CCDC138: variants seen among roughly 807,000 people sequenced by gnomAD.
The protein encoded by CCDC138 is coiled-coil domain-containing protein 138.
CCDC138 carries 66 observed loss-of-function variants against 82.3 expected under a neutral mutation model. The ratio of observed to expected loss-of-function variants is 0.80; its 90% CI spans 0.66 to 0.98. The LOEUF (loss-of-function observed/expected upper bound fraction) is 0.98. CCDC138 is among the 50% of genes least tolerant of loss of function. CCDC138 has a pLI of 0.00. For missense variants in CCDC138, 816 were observed against 758.9 expected (o/e 1.08, Z -0.88); for synonymous variants, 297 against 265.4 (o/e 1.12, Z -1.16).
At chr2:108,867,506 G>A (rs1374376161) in intron 13 of CCDC138, among the ~76,000 whole-genome samples, 1 of 152,160 alleles carries the variant, frequency 6.6e-6, no homozygotes, top group Non-Finnish European at 1.5e-5. Context: ...CTCCAAGAGT[G>A]TCTTTGTCCT....
intron 10 of CCDC138, among the ~76,000 whole-genome samples, chr2:108,818,208 AGGT>A (rs1283709169): frequency 5.3e-5 from 8 of 152,090 alleles, no homozygotes; most frequent in Admixed American, 2.6e-4. Context: ...TGGGAGGCTG[AGGT>A]GGTAGGATCA....
At chr2:108,833,894 ATTT>A (rs749488565) in intron 10 of CCDC138, among the ~76,000 whole-genome samples, 2 of 79,242 alleles carry the variant, frequency 2.5e-5, no homozygotes, top group African/African-American at 1.0e-4. Context: ...CGCCCGGCTA[ATTT>A]TTTTTTTTTT....
At chr2:108,842,909 G>A (rs1276775098) in intron 11 of CCDC138, among the ~76,000 whole-genome samples, 1 of 152,138 alleles carries the variant, frequency 6.6e-6, no homozygotes, top group African/African-American at 2.4e-5. Context: ...AAGCACAGAA[G>A]CTTTACTTCC....
chr2:108,814,118 T>C (rs1351820144), intron 9 of CCDC138, among the ~76,000 whole-genome samples: 1 of 152,222 alleles, frequency 6.6e-6, no homozygotes, highest in Non-Finnish European at 1.5e-5. Context: ...GACTACAATT[T>C]CTGGGTCATA....
chr2:108,853,945 A>T (rs952389866), intron 12 of CCDC138, among the ~76,000 whole-genome samples: 51 of 122,788 alleles, frequency 4.2e-4, no homozygotes, highest in Middle Eastern at 3.6e-3. Flanking sequence ...TATATATAAT[A>T]TACAATAAAT....
chr2:108,846,689 A>G (rs1166396430), intron 11 of CCDC138, 49 bp from the exon 12 acceptor site: 4 of 1,498,814 alleles, frequency 2.7e-6, no homozygotes, highest in Non-Finnish European at 3.6e-6. Context: ...AAAAAAAGAT[A>G]TATTCTGAAC....
At position 108,849,143 on chromosome 2, in the gene CCDC138, T is replaced by C. The variant is rs1332288208; in HGVS notation, c.1516+2213T>C. 2.0e-5 allele frequency among the ~76,000 whole-genome samples: 3 copies of C among 152,058 alleles called. No homozygotes were observed. In the East Asian group the frequency reaches 5.8e-4, roughly 29 times the overall value. ...CAGACAAACGACTAGTGAACTGGGATACATAGCAATAGAAACTGTCCAAAA... is the reference window on the plus strand; with the variant it reads ...CAGACAAACGACTAGTGAACTGGGACACATAGCAATAGAAACTGTCCAAAA... On this transcript the variant is annotated intron_variant, in intron 12 of 14. Coordinates refer to ENST00000295124, the MANE Select transcript of CCDC138 (RefSeq NM_144978.3).
chr2:108,849,190 AT>A (rs1002540878), intron 12 of CCDC138, among the ~76,000 whole-genome samples: 6 of 152,322 alleles, frequency 3.9e-5, no homozygotes, highest in African/African-American at 1.2e-4. Flanking sequence ...GAGAAAAAAA[AT>A]CTACAAAAAA....
intron 3 of CCDC138, 195 bp from the exon 4 acceptor site, chr2:108,791,480 G>GCTT (rs1679895594): frequency 1.7e-6 from 1 of 604,760 alleles, no homozygotes; most frequent in South Asian, 1.6e-5. Context: ...AGAAAAAGAT[G>GCTT]CTTGTAGTGG....
At chr2:108,802,582 C>T (rs1682119602) in intron 6 of CCDC138, among the ~76,000 whole-genome samples, 1 of 143,388 alleles carries the variant, frequency 7.0e-6, no homozygotes, top group Non-Finnish European at 1.5e-5. Context: ...CAAACAGGGA[C>T]AATTTGACTT....
chr2:108,815,860 T>C, intron 9 of CCDC138, 81 bp from the exon 10 acceptor site: 2 of 1,147,432 alleles, frequency 1.7e-6, no homozygotes, highest in Non-Finnish European at 2.5e-6. Context: ...ATTATTCTTA[T>C]TACTTAACAA....
At chr2:108,871,118 T>A (rs1042727195) in intron 13 of CCDC138, among the ~76,000 whole-genome samples, 1 of 152,014 alleles carries the variant, frequency 6.6e-6, no homozygotes, top group Admixed American at 6.6e-5. Flanking sequence ...CATGAAAAGA[T>A]GGATGAATGG....
Position 108,786,894 on chromosome 2 carries a change from C to G in CCDC138, c.72C>G (p.Leu24=). 2 of 1,552,432 alleles carry G rather than the reference C, an allele frequency of 1.3e-6. No individual in the cohort carries two copies. Among genetic ancestry groups the G allele is most frequent in the Non-Finnish European group, 1.7e-6 (2 of 1,151,894 alleles). Residue 24 remains leucine (L), a synonymous_variant, in exon 1 of 15, where the codon CTC becomes CTG. Coordinates refer to ENST00000295124, the MANE Select transcript of CCDC138 (RefSeq NM_144978.3). Reference sequence around the variant, plus strand: ...AGAGTCTCAAAAGCCGCTACGGACTCGGGGGCAGCTGCCCCGACGAGGTGA... The same window carrying G: ...AGAGTCTCAAAAGCCGCTACGGACTGGGGGGCAGCTGCCCCGACGAGGTGA... ...VVESLKSRYG[L]GGSCPDEYDF...
intron 7 of CCDC138, among the ~76,000 whole-genome samples, chr2:108,807,026 T>C (rs1573994796): frequency 6.6e-6 from 1 of 152,192 alleles, no homozygotes; most frequent in East Asian, 1.9e-4. Flanking sequence ...ATTAAGGTGC[T>C]TACTCCTCAG....
chr2:108,846,700 A>G, intron 11 of CCDC138, 38 bp from the exon 12 acceptor site: 10 of 1,538,012 alleles, frequency 6.5e-6, no homozygotes, highest in Non-Finnish European at 8.8e-6. Flanking sequence ...TATTCTGAAC[A>G]TGAATAAATA....
At chr2:108,806,960 A>G (rs1169949080) in intron 7 of CCDC138, among the ~76,000 whole-genome samples, 2 of 152,334 alleles carry the variant, frequency 1.3e-5, no homozygotes, top group East Asian at 3.9e-4. Flanking sequence ...AATTAGAGGG[A>G]GACAGAACTT....
At chr2:108,878,132 A>C (rs1309785630), downstream of CCDC138, among the ~76,000 whole-genome samples, 1 of 152,272 alleles carries the variant, frequency 6.6e-6, no homozygotes, top group Admixed American at 6.5e-5. Context: ...TTATTAAATC[A>C]ACCTCATATC....
At chr2:108,803,351 C>A (rs1682298784) in intron 6 of CCDC138, among the ~76,000 whole-genome samples, 1 of 152,142 alleles carries the variant, frequency 6.6e-6, no homozygotes, top group Non-Finnish European at 1.5e-5. Flanking sequence ...TCATAGAGGC[C>A]CCTCTTCCTG....
chr2:108,835,286 A>G (rs1380161199), intron 10 of CCDC138, among the ~76,000 whole-genome samples: 1 of 152,220 alleles, frequency 6.6e-6, no homozygotes, highest in Non-Finnish European at 1.5e-5. Context: ...AGCAAAAGGT[A>G]ATTTCCAAAA....
Sources: gnomAD v4.1 joint callset for allele counts (sites outside exome capture counted in the v4.1 genomes callset) on GRCh38, gnomAD v4.1.1 for gene constraint, MANE v1.5 for transcripts, NCBI Gene and HGNC (gene_info 2026-07-23, HGNC 2026-07-21) for gene names.